Variants in NDUFB3 observed in about 807,000 individuals in gnomAD.
NDUFB3 encodes NADH:ubiquinone oxidoreductase subunit B3, also known as NADH dehydrogenase [ubiquinone] 1 beta subcomplex subunit 3.
In NDUFB3, 7 loss-of-function variants were observed where a neutral mutation model predicts 9.0. That is an observed-to-expected ratio of 0.78 (90% confidence interval 0.44 to 1.46). The LOEUF (loss-of-function observed/expected upper bound fraction) is 1.46, where lower values mean the gene tolerates loss of function less well. Ranked by LOEUF, NDUFB3 falls within the 40% of genes most tolerant of loss-of-function variation. The pLI, the probability that NDUFB3 is intolerant of heterozygous loss-of-function variation, is 0.01. For missense variants in NDUFB3, 93 were observed against 115.4 expected (o/e 0.81, Z 0.89); for synonymous variants, 29 against 38.5 (o/e 0.75, Z 0.91).
At chr2:201,074,454 C>CTTTTT (rs370282012) in intron 1 of NDUFB3, among the ~76,000 whole-genome samples, 2 of 113,194 alleles carry the variant, frequency 1.8e-5, no homozygotes, top group Non-Finnish European at 3.6e-5. Context: ...ATATGTTCAG[C>CTTTTT]TTTTTTTTTT....
intron 1 of NDUFB3, among the ~76,000 whole-genome samples, chr2:201,075,143 C>T (rs1289867952): frequency 2.4e-5 from 3 of 125,202 alleles, no homozygotes; most frequent in Non-Finnish European, 4.8e-5. Context: ...GCCAGGAGTT[C>T]AACAGCAGCC....
intron 2 of NDUFB3, among the ~76,000 whole-genome samples, chr2:201,081,815 A>AT (rs757230724): frequency 0.062 from 6,597 of 107,032 alleles, 240 homozygotes; most frequent in African/African-American, 0.11. Flanking sequence ...CGCCCAGCTA[A>AT]TTTTTTTTTT....
At chr2:201,079,099 C>T in intron 2 of NDUFB3, 77 bp downstream of exon 2, 2 of 1,414,330 alleles carry the variant, frequency 1.4e-6, no homozygotes, top group Non-Finnish European at 1.9e-6. Flanking sequence ...ATGTATTCTC[C>T]TTAGAGAATC....
intron 2 of NDUFB3, 29 bp downstream of exon 2, chr2:201,079,051 A>G (rs1283029599): frequency 4.4e-6 from 7 of 1,593,300 alleles, no homozygotes; most frequent in Non-Finnish European, 6.0e-6. Flanking sequence ...TTTAGATAGA[A>G]TGTATCCTAG....
Position 201,080,810 on chromosome 2 carries a change from T to C in NDUFB3, c.140+1788T>C, listed in dbSNP as rs189466123. On this transcript the variant is annotated intron_variant, in intron 2 of 2. Transcript: ENST00000237889. ...GCTCCACCTCCCGGGTTCACGCCAT[T>C]CTCCTGCCTCAGCCTCCTAAATAGC... Among the ~76,000 whole-genome samples, 394 of 150,740 alleles carry C rather than the reference T, an allele frequency of 2.6e-3. 3 individuals are homozygous for C. The highest frequency in any genetic ancestry group is 4.3e-3 in the Admixed American group (65 of 15,076).
chr2:201,077,391 A>G (rs1660614892), intron 1 of NDUFB3, among the ~76,000 whole-genome samples: 1 of 152,210 alleles, frequency 6.6e-6, no homozygotes, highest in African/African-American at 2.4e-5. Flanking sequence ...ATATTAAAAT[A>G]ACACTAGTAA....
At chr2:201,078,824 G>T (rs1464327787) in intron 1 of NDUFB3, 57 bp from the exon 2 acceptor site, 6 of 1,474,494 alleles carry the variant, frequency 4.1e-6, no homozygotes, top group Non-Finnish European at 5.5e-6. Context: ...AATAAATTTG[G>T]GTATTTGATA....
At chr2:201,073,511 G>A (rs1221266108) in intron 1 of NDUFB3, among the ~76,000 whole-genome samples, 1 of 152,226 alleles carries the variant, frequency 6.6e-6, no homozygotes, top group Non-Finnish European at 1.5e-5. Flanking sequence ...GCTCACGCCT[G>A]TAATCCCAAC....
intron 2 of NDUFB3, among the ~76,000 whole-genome samples, chr2:201,079,687 C>A (rs907319411): frequency 6.6e-6 from 1 of 152,176 alleles, no homozygotes; most frequent in Non-Finnish European, 1.5e-5. Flanking sequence ...AAGTGATCTG[C>A]CCACCTTGGC....
At chr2:201,077,143 G>A (rs1005273518) in intron 1 of NDUFB3, among the ~76,000 whole-genome samples, 7 of 151,860 alleles carry the variant, frequency 4.6e-5, no homozygotes, top group African/African-American at 1.7e-4. Flanking sequence ...TATTGGGCCT[G>A]TTCATAGTTA....
chr2:201,083,806 A>G (rs1222444312), intron 2 of NDUFB3, among the ~76,000 whole-genome samples: 1 of 152,198 alleles, frequency 6.6e-6, no homozygotes, highest in African/African-American at 2.4e-5. Context: ...ACCCTACTTC[A>G]TTATGATGTA....
chr2:201,075,175 G>A (rs2047148309), intron 1 of NDUFB3, among the ~76,000 whole-genome samples: 1 of 139,596 alleles, frequency 7.2e-6, no homozygotes, highest in Admixed American at 7.3e-5. Context: ...GGAAGATCCT[G>A]TCTGAAAAAA....
intron 2 of NDUFB3, among the ~76,000 whole-genome samples, chr2:201,084,187 G>A (rs2047263793): frequency 6.6e-6 from 1 of 152,124 alleles, no homozygotes; most frequent in Non-Finnish European, 1.5e-5. Flanking sequence ...CTACTGGGGA[G>A]GCTGAGGCAG....
At chr2:201,076,226 G>A (rs985227149) in intron 1 of NDUFB3, among the ~76,000 whole-genome samples, 50 of 152,020 alleles carry the variant, frequency 3.3e-4, no homozygotes, top group Non-Finnish European at 4.0e-4. Flanking sequence ...ATCCTCCTGG[G>A]TGTGGCTGTA....
intron 1 of NDUFB3, 148 bp from the exon 2 acceptor site, chr2:201,078,733 T>C (rs1197669418): frequency 1.3e-6 from 1 of 756,642 alleles, no homozygotes; most frequent in Non-Finnish European, 2.0e-6. Context: ...GACACTTTTA[T>C]AAAATCCTTT....
In NDUFB3 at chr2:201,085,475, T is replaced by C. The variant is rs200516476; in HGVS notation, c.157T>C (p.Tyr53His). 1.6e-5 allele frequency: 26 copies of C among 1,606,002 alleles called. No homozygotes were observed. The highest frequency in any genetic ancestry group is 2.7e-5 in the African/African-American group (2 of 74,412). ...TTTTTCTAGCAATGAAGCTTGGAGA[T>C]ACATGGGTGGCTTTGCAAAGAGTGT... ...DPWGRNEAWR[Y>H]MGGFAKSVSF... The change falls in exon 3 of 3, where the codon TAC (tyrosine) becomes CAC (histidine). Residue 53 changes from tyrosine (Y) to histidine (H), a missense_variant. Physicochemically the swap from Tyr to His is moderately conservative, Grantham distance 83. Transcript: ENST00000237889.
At chr2:201,076,351 CA>C (rs1485158561) in intron 1 of NDUFB3, among the ~76,000 whole-genome samples, 1 of 151,544 alleles carries the variant, frequency 6.6e-6, no homozygotes, top group Non-Finnish European at 1.5e-5. Context: ...CGCTATAAAA[CA>C]TTTAAAAACT....
Position 201,085,441 on chromosome 2 carries a change from TTC to T in NDUFB3, c.141-16_141-15del. The stretch of plus-strand genomic sequence containing the variant: ...ACACGTTGTGTATGATTATAATTTT[TTC>T]TTTTTTTTTTTCTAGCAATGAAGCT... On this transcript the variant is annotated splice_polypyrimidine_tract_variant and intron_variant, in intron 2 of 2. Transcript: ENST00000237889. 6.3e-7 allele frequency: 1 copy of T among 1,577,124 alleles called. No individual in the cohort carries two copies. The highest frequency in any genetic ancestry group is 1.2e-5 in the South Asian group (1 of 84,730).
At chr2:201,078,334 G>A (rs377354667) in intron 1 of NDUFB3, among the ~76,000 whole-genome samples, 1 of 151,958 alleles carries the variant, frequency 6.6e-6, no homozygotes, top group East Asian at 1.9e-4. Flanking sequence ...TTAGGAGCAG[G>A]GTTCTAAAAC....
Sources: gnomAD v4.1 joint callset for allele counts (sites outside exome capture counted in the v4.1 genomes callset) on GRCh38, gnomAD v4.1.1 for gene constraint, MANE v1.5 for transcripts, NCBI Gene and HGNC (gene_info 2026-07-23, HGNC 2026-07-21) for gene names.